Variants in CLNK observed in about 807,000 individuals in gnomAD.
CLNK encodes cytokine dependent hematopoietic cell linker, also known as cytokine-dependent hematopoietic cell linker.
CLNK carries 74 observed loss-of-function variants against 68.6 expected under a neutral mutation model. The ratio of observed to expected loss-of-function variants is 1.08; its 90% CI spans 0.89 to 1.31. The LOEUF is 1.31. Ranked by LOEUF, CLNK falls within the 50% of genes most tolerant of loss-of-function variation. The pLI, the probability that CLNK is intolerant of heterozygous loss-of-function variation, is 0.00. For missense variants in CLNK, 553 were observed against 515.3 expected (o/e 1.07, Z -0.71); for synonymous variants, 198 against 172.2 (o/e 1.15, Z -1.17).
At chr4:10,614,849 G>T (rs1281312988) in intron 2 of CLNK, among the ~76,000 whole-genome samples, 4 of 152,182 alleles carry the variant, frequency 2.6e-5, no homozygotes, top group Admixed American at 1.3e-4. Context: ...GAGGTCATCT[G>T]GTTGCTATCA....
rs905196603 is a variant in CLNK, at chr4:10,531,821, G to C, written c.630+435C>G. 5.0e-5 allele frequency: 23 copies of C among 459,418 alleles called. 1 individual carries two copies. The highest frequency in any genetic ancestry group is 3.6e-4 in the South Asian group (23 of 64,574). The allele number at this position is 459,418 out of a possible 1,614,324, so 28.5% of individuals were successfully genotyped here. On this transcript the variant is annotated intron_variant, in intron 12 of 18. Coordinates refer to ENST00000226951, the MANE Select transcript of CLNK (RefSeq NM_052964.4). ...CTGAAGTTCACAAAGCGAGTAGGTG[G>C]CACGGCAGGATTCCTACCCAGGTCT...
chr4:10,649,576 T>G (rs1009876693), intron 2 of CLNK, among the ~76,000 whole-genome samples: 1 of 152,134 alleles, frequency 6.6e-6, no homozygotes, highest in African/African-American at 2.4e-5. Context: ...TGTGTAAAAC[T>G]GGCCCCTAAA....
At position 10,631,482 on chromosome 4, in the gene CLNK, T is replaced by G. The variant is rs145785191; in HGVS notation, c.12-33433A>C. On this transcript the variant is annotated intron_variant, in intron 2 of 18. Transcript: ENST00000226951. ...GATCACAATTACAGGCAGCTGTAAG[T>G]TTTGCAGATCTTTGCATTATGTGAA... Among the ~76,000 whole-genome samples, 667 of 152,200 alleles carry G rather than the reference T, an allele frequency of 4.4e-3. 5 individuals carry two copies. The highest frequency in any genetic ancestry group is 0.015 in the African/African-American group (637 of 41,540).
At chr4:10,599,876 T>C (rs1030224718) in intron 2 of CLNK, among the ~76,000 whole-genome samples, 1 of 152,216 alleles carries the variant, frequency 6.6e-6, no homozygotes, top group Non-Finnish European at 1.5e-5. Context: ...CATCTACCCC[T>C]AGCTGCTTTC....
At chr4:10,603,020 A>C (rs1033276188) in intron 2 of CLNK, among the ~76,000 whole-genome samples, 10 of 152,132 alleles carry the variant, frequency 6.6e-5, no homozygotes, top group African/African-American at 2.4e-5. Context: ...TTCCCCTCTA[A>C]TTTCTCACCT....
the CLNK span, among the ~76,000 whole-genome samples, chr4:10,699,508 A>ATTTTT: frequency 2.5e-4 from 5 of 19,758 alleles, no homozygotes; most frequent in South Asian, 1.9e-3. Flanking sequence ...ATATATATAT[A>ATTTTT]TATATTTTTT....
At chr4:10,566,459 C>G (rs1720119860) in intron 5 of CLNK, among the ~76,000 whole-genome samples, 2 of 152,128 alleles carry the variant, frequency 1.3e-5, no homozygotes, top group African/African-American at 4.8e-5. Context: ...TCCTGGATTA[C>G]CTGGGTGGGC....
the CLNK span, among the ~76,000 whole-genome samples, chr4:10,724,274 A>T: frequency 7.9e-5 from 12 of 152,206 alleles, no homozygotes; most frequent in Admixed American, 5.9e-4. Flanking sequence ...ACCTGCATGG[A>T]TAACTCCCTC....
chr4:10,680,480 C>T (rs1460020127), intron 1 of CLNK, among the ~76,000 whole-genome samples: 3 of 151,858 alleles, frequency 2.0e-5, no homozygotes. Context: ...AACAAACCTG[C>T]ACGTTGTGCA....
intron 18 of CLNK, among the ~76,000 whole-genome samples, chr4:10,497,888 A>T (rs563695484): frequency 1.3e-5 from 2 of 152,362 alleles, no homozygotes; most frequent in Admixed American, 1.3e-4. Flanking sequence ...AAACCCAAGC[A>T]TTTAAGAATT....
At chr4:10,504,087 C>T (rs1431523287) in intron 17 of CLNK, among the ~76,000 whole-genome samples, 2 of 144,580 alleles carry the variant, frequency 1.4e-5, no homozygotes, top group African/African-American at 5.1e-5. Context: ...GGCTCATTTG[C>T]AGGGTCTTTA....
chr4:10,522,190 G>A (rs150642591), intron 14 of CLNK, among the ~76,000 whole-genome samples: 4,118 of 151,416 alleles, frequency 0.027, 84 homozygotes, highest in Non-Finnish European at 0.045. Flanking sequence ...CCTGGGAGGC[G>A]GAGGTTGCAG....
At chr4:10,521,180 A>G (rs1467477467) in intron 14 of CLNK, among the ~76,000 whole-genome samples, 1 of 152,240 alleles carries the variant, frequency 6.6e-6, no homozygotes, top group Non-Finnish European at 1.5e-5. Context: ...GTGGGGGCTC[A>G]TAATCTATAG....
intron 2 of CLNK, among the ~76,000 whole-genome samples, chr4:10,650,578 A>G (rs1174434815): frequency 6.6e-6 from 1 of 152,176 alleles, no homozygotes; most frequent in Non-Finnish European, 1.5e-5. Context: ...GGAATAAGAA[A>G]TAAGTTTATG....
chr4:10,637,459 G>A (rs1723135769), intron 2 of CLNK, among the ~76,000 whole-genome samples: 2 of 100,878 alleles, frequency 2.0e-5, no homozygotes, highest in Admixed American at 1.0e-4. Flanking sequence ...TTTTTTGGCA[G>A]GGTTGTTTCT....
intron 17 of CLNK, among the ~76,000 whole-genome samples, chr4:10,502,944 G>A (rs577089662): frequency 4.6e-5 from 7 of 152,242 alleles, no homozygotes; most frequent in Non-Finnish European, 7.3e-5. Context: ...TCCAAGAGCT[G>A]AGAACAGGAC....
chr4:10,574,880 T>C (rs887770240), intron 4 of CLNK, among the ~76,000 whole-genome samples: 4 of 152,288 alleles, frequency 2.6e-5, no homozygotes, highest in South Asian at 4.2e-4. Context: ...CCCCCAGTCA[T>C]GTACCCCCTG....
At chr4:10,578,504 T>A (rs531694480) in intron 4 of CLNK, among the ~76,000 whole-genome samples, 2 of 151,992 alleles carry the variant, frequency 1.3e-5, no homozygotes, top group South Asian at 4.2e-4. Context: ...ACACATGCAC[T>A]GTTATGGGTT....
intron 15 of CLNK, chr4:10,517,516 C>T (rs567675243): frequency 3.3e-5 from 5 of 152,074 alleles, no homozygotes; most frequent in East Asian, 3.9e-4. Flanking sequence ...CCTAACCAAG[C>T]GAAAGCAAAC....
Sources: gnomAD v4.1 joint callset for allele counts (sites outside exome capture counted in the v4.1 genomes callset) on GRCh38, gnomAD v4.1.1 for gene constraint, MANE v1.5 for transcripts, NCBI Gene and HGNC (gene_info 2026-07-23, HGNC 2026-07-21) for gene names.